The following OTUD4 variants were observed in gnomAD, a reference collection of about 807,000 sequenced individuals.
The protein encoded by OTUD4 is OTU domain-containing protein 4.
OTUD4 carries 24 observed loss-of-function variants against 130.4 expected under a neutral mutation model. That is an observed-to-expected ratio of 0.18 (90% CI 0.13 to 0.26). The LOEUF (loss-of-function observed/expected upper bound fraction) is 0.26, where lower values mean the gene tolerates loss of function less well. Among genes scored for constraint, OTUD4 ranks in the 10% least tolerant of loss-of-function variants. OTUD4 has a pLI of 1.00. For missense variants in OTUD4, 1,031 were observed against 1,329.4 expected (o/e 0.78, Z 3.49); for synonymous variants, 420 against 472.5 (o/e 0.89, Z 1.44).
At position 145,136,593 on chromosome 4, in the gene OTUD4, A is replaced by G. The variant is rs1015279755; in HGVS notation, c.*837T>C. The G allele has an allele frequency of 6.6e-6, 1 of 151,726 alleles. No homozygotes were observed. The highest frequency in any genetic ancestry group is 2.4e-5 in the African/African-American group (1 of 41,172). The allele number at this position is 151,726 out of a possible 1,614,324, so 9.4% of individuals were successfully genotyped here. A position where few individuals can be genotyped will look rare whatever the true frequency, so the allele number is the denominator to read the frequency against. On this transcript the variant is annotated 3_prime_UTR_variant, in exon 21 of 21. Coordinates refer to ENST00000447906, the MANE Select transcript of OTUD4 (RefSeq NM_001366057.1). Reference sequence around the variant, plus strand: ...AAAGTGGCATTAAAAAAACTTCTGCAGTTCTAACTGATGCAGATTATTTTC... The same window carrying G: ...AAAGTGGCATTAAAAAAACTTCTGCGGTTCTAACTGATGCAGATTATTTTC...
rs1750202672 is a variant in OTUD4, at chr4:145,135,600, TCAA to T, written c.*1827_*1829del. ...GAAAAAAATGGCTTAAGCGGTACCT[TCAA>T]CAACTATTCTAGTTAAGAAGGTGAC... is the stretch of plus-strand genomic sequence containing the variant. On this transcript the variant is annotated 3_prime_UTR_variant, in exon 21 of 21. Coordinates refer to ENST00000447906, the MANE Select transcript of OTUD4 (RefSeq NM_001366057.1). 6.5e-6 allele frequency: 1 copy of T among 152,704 alleles called. No homozygotes were observed. The highest frequency in any genetic ancestry group is 2.1e-4 in the South Asian group (1 of 4,834). 9.5% of individuals were successfully genotyped at this position (152,704 alleles called of 1,614,324 possible).
intron 20 of OTUD4, among the ~76,000 whole-genome samples, chr4:145,139,452 A>ATACC (rs1340251867): frequency 2.0e-5 from 3 of 152,226 alleles, no homozygotes; most frequent in African/African-American, 7.2e-5. Flanking sequence ...TTCCCAAAGG[A>ATACC]TACCTCTGCT....
intron 1 of OTUD4, among the ~76,000 whole-genome samples, chr4:145,175,958 A>C (rs1244294092): frequency 1.3e-5 from 2 of 148,974 alleles, no homozygotes; most frequent in Non-Finnish European, 3.0e-5. Flanking sequence ...CCTCCGCCTC[A>C]CAAGTTCAAG....
intron 7 of OTUD4, among the ~76,000 whole-genome samples, chr4:145,158,690 T>C (rs1293179500): frequency 6.6e-6 from 1 of 152,170 alleles, no homozygotes; most frequent in East Asian, 1.9e-4. Flanking sequence ...TCAATAAGAA[T>C]ACCATAGGTT....
chr4:145,165,298 T>C, intron 3 of OTUD4, 101 bp from the exon 4 acceptor site: 1 of 660,180 alleles, frequency 1.5e-6, no homozygotes, highest in Non-Finnish European at 2.7e-6. Flanking sequence ...TAATGAGTTC[T>C]TAAAGCTCAT....
At position 145,158,722 on chromosome 4, in the gene OTUD4, T is replaced by C. The variant is rs185285595; in HGVS notation, c.629+781A>G. Among the ~76,000 whole-genome samples, 564 of 152,234 alleles carry C rather than the reference T, an allele frequency of 3.7e-3. 4 individuals carry two copies. Among genetic ancestry groups the C allele is most frequent in the Non-Finnish European group, 4.9e-3 (331 of 68,012 alleles). ...GGTTTGGTTCTTATAAAAGACAGAG[T>C]AAACATCCTAATATAACTGATAACT... On this transcript the variant is annotated intron_variant, in intron 7 of 20. Coordinates refer to ENST00000447906, the MANE Select transcript of OTUD4 (RefSeq NM_001366057.1).
Position 145,146,711 on chromosome 4 carries a change from G to GA in OTUD4, c.1260-283dup, listed in dbSNP as rs372595503. 4.4e-3 allele frequency among the ~76,000 whole-genome samples: 667 copies of GA among 151,064 alleles called. 3 individuals are homozygous for GA. The highest frequency in any genetic ancestry group is 0.015 in the African/African-American group (610 of 41,228). On this transcript the variant is annotated intron_variant, in intron 13 of 20. Transcript: ENST00000447906. ...CAGCAATGGGAGGTAGAGGGGAAAA[G>GA]AAAAAAAAACTTATTTCCAAATGAT...
At chr4:145,143,497 G>T in intron 16 of OTUD4, 52 bp from the exon 17 acceptor site, 1 of 1,039,960 alleles carries the variant, frequency 9.6e-7, no homozygotes, top group South Asian at 1.3e-5. Flanking sequence ...CCCACATTCT[G>T]GAATATTGAT....
chr4:145,141,168 C>CA (rs1200809073), intron 19 of OTUD4, among the ~76,000 whole-genome samples: 2,583 of 54,226 alleles, frequency 0.048, 131 homozygotes, highest in African/African-American at 0.13. Flanking sequence ...GACTCCGTCT[C>CA]AAAAAAAAAA....
chr4:145,155,296 A>G, intron 10 of OTUD4, 115 bp downstream of exon 10: 1 of 789,950 alleles, frequency 1.3e-6, no homozygotes, highest in Non-Finnish European at 2.1e-6. Context: ...CATGATAAAT[A>G]TATTCTGAAA....
chr4:145,138,595 G>T lies in OTUD4; in HGVS notation c.2180C>A (p.Ala727Asp). 6.2e-7 allele frequency: 1 copy of T among 1,613,756 alleles called. No individual in the cohort carries two copies. Among genetic ancestry groups the T allele is most frequent in the East Asian group, 2.2e-5 (1 of 44,874 alleles). ...PHSYLYPLHQ[A>D]YLAACRMYPK... Reference sequence around the variant, plus strand: ...GTACATCCTGCAGGCTGCCAGGTAGGCCTGGTGCAGAGGGTACAGGTAAGA... The same window carrying T: ...GTACATCCTGCAGGCTGCCAGGTAGTCCTGGTGCAGAGGGTACAGGTAAGA... The change falls in exon 21 of 21, where the codon GCC (alanine) becomes GAC (aspartate). Residue 727 changes from alanine (A) to aspartate (D), a missense_variant. Transcript: ENST00000447906.
At position 145,141,546 on chromosome 4, in the gene OTUD4, G is replaced by A. The variant is rs1162469370; in HGVS notation, c.1916C>T (p.Pro639Leu). 3 of 1,612,018 alleles carry A rather than the reference G, an allele frequency of 1.9e-6. No individual in the cohort carries two copies. Residue 639 changes from proline (P) to leucine (L), a missense_variant, in exon 19 of 21, where the codon CCA becomes CTA. Pro to Leu is a moderately conservative substitution (Grantham distance 98). Coordinates refer to ENST00000447906, the MANE Select transcript of OTUD4 (RefSeq NM_001366057.1). ...AVSQAHLTPS[P>L]VPVSIQAVNQ... ...AACTGCCTGTATTGACACAGGAACT[G>A]GAGAGGGTGTTAAATGAGCTTGGGA...
In OTUD4 at chr4:145,165,213, A is replaced by G. The variant is rs1379026433; in HGVS notation, c.295-16T>C. Reference sequence around the variant, plus strand: ...CTACCCATTCCTGTATTGAAGAAAAAAAGGTGGCATGTAAGTGTCTCACAC... The same window carrying G: ...CTACCCATTCCTGTATTGAAGAAAAGAAGGTGGCATGTAAGTGTCTCACAC... On this transcript the variant is annotated splice_polypyrimidine_tract_variant and intron_variant, in intron 3 of 20. Coordinates refer to ENST00000447906, the MANE Select transcript of OTUD4 (RefSeq NM_001366057.1). 6.3e-7 allele frequency: 1 copy of G among 1,598,884 alleles called. No individual in the cohort carries two copies. Among genetic ancestry groups the G allele is most frequent in the Admixed American group, 1.7e-5 (1 of 58,830 alleles).
intron 1 of OTUD4, among the ~76,000 whole-genome samples, chr4:145,179,048 A>T (rs1752563139): frequency 6.6e-6 from 1 of 152,160 alleles, no homozygotes. Context: ...AGTGTTATAT[A>T]ACATGGAATA....
At chr4:145,154,409 A>AT (rs1325343298) in intron 10 of OTUD4, among the ~76,000 whole-genome samples, 2 of 152,268 alleles carry the variant, frequency 1.3e-5, no homozygotes, top group African/African-American at 4.8e-5. Context: ...CCAATTTATC[A>AT]TAAAGTAAAT....
At chr4:145,163,863 C>G (rs1451441641) in intron 5 of OTUD4, among the ~76,000 whole-genome samples, 2 of 151,952 alleles carry the variant, frequency 1.3e-5, no homozygotes, top group African/African-American at 4.8e-5. Context: ...TGTGCCACCA[C>G]GCCCGGCTAA....
At chr4:145,156,026 AG>A (rs778406125) in intron 7 of OTUD4, 30 bp from the exon 8 acceptor site, 6 of 1,579,684 alleles carry the variant, frequency 3.8e-6, no homozygotes, top group Non-Finnish European at 5.2e-6. Flanking sequence ...TAATTGGGGC[AG>A]AAAAAGGTAT....
At chr4:145,152,708 T>C in intron 10 of OTUD4, 73 bp from the exon 11 acceptor site, 1 of 840,806 alleles carries the variant, frequency 1.2e-6, no homozygotes, top group South Asian at 1.6e-5. Context: ...CTTATCAGTT[T>C]TTTGCGGTTC....
intron 8 of OTUD4, 113 bp downstream of exon 8, chr4:145,155,822 AG>A: frequency 2.0e-6 from 2 of 993,852 alleles, no homozygotes; most frequent in Non-Finnish European, 3.0e-6. Flanking sequence ...ATTTCTGAGT[AG>A]ATGATCCTGA....
Sources: allele counts gnomAD v4.1 joint callset (sites outside exome capture counted in the v4.1 genomes callset), GRCh38; gene constraint gnomAD v4.1.1; transcripts MANE v1.5; gene names NCBI Gene and HGNC (gene_info 2026-07-23, HGNC 2026-07-21).